Variants in TNRC18 observed in about 807,000 individuals in gnomAD.
TNRC18 encodes the protein trinucleotide repeat-containing gene 18 protein.
In TNRC18, 69 loss-of-function variants were observed where a neutral mutation model predicts 226.7. The ratio of observed to expected loss-of-function variants is 0.30; its 90% confidence interval spans 0.25 to 0.37. TNRC18 has a LOEUF of 0.37. Ranked by LOEUF, TNRC18 falls within the 10% of genes least tolerant of loss-of-function variation. The pLI is 1.00. For synonymous variants in TNRC18, 2,449 were observed against 1,927.6 expected, an observed-to-expected ratio of 1.27 and a Z score of -7.09; for missense variants, 4,754 against 4,256.6, an observed-to-expected ratio of 1.12 and a Z score of -3.25.
intron 18 of TNRC18, 45 bp downstream of exon 18, chr7:5,345,517 G>GCGCCC: frequency 1.3e-5 from 5 of 377,744 alleles, no homozygotes; most frequent in South Asian, 8.8e-5. Flanking sequence ...AATGGCGTCC[G>GCGCCC]CCCCTCCCAC....
rs768910011 is a variant in TNRC18 at position 5,308,184 on chromosome 7, G to A, written c.8829C>T (p.Gly2943=). The A allele has an allele frequency of 9.4e-6, 15 of 1,601,290 alleles. No homozygotes were observed. Among genetic ancestry groups the A allele is most frequent in the Non-Finnish European group, 1.3e-5 (15 of 1,174,898 alleles). ...CGTAGGTGCCCGCGAGGTAGTACAG[G>A]CCCTCGCTGTCCTGGTACTTCTTGG... ...LKTKKYQDSE[G]LYYLAGTYEP... The change falls in exon 30 of 30, where the codon GGC becomes GGT. Residue 2943 remains glycine (G), a synonymous_variant. Transcript: ENST00000430969.
intron 2 of TNRC18, among the ~76,000 whole-genome samples, chr7:5,408,186 C>A (rs1343103529): frequency 6.6e-6 from 1 of 151,844 alleles, no homozygotes; most frequent in African/African-American, 2.4e-5. Flanking sequence ...CTAGTCCCCA[C>A]TACTCAGGAG....
intron 24 of TNRC18, 73 bp from the exon 25 acceptor site, chr7:5,316,145 G>A: frequency 1.8e-6 from 2 of 1,121,084 alleles, no homozygotes; most frequent in Non-Finnish European, 2.6e-6. Flanking sequence ...GGGTCAGGAT[G>A]GCAGAAACCG....
rs1562464654 is a variant in TNRC18 at position 5,306,892 on chromosome 7, ATAATTCCCC to A, written c.*1205_*1213del. ...AAAAGAAACATAAAAAAAAAAACCA[ATAATTCCCC>A]CAAAAAACAAACCCAAAGTCTGGCT... On this transcript the variant is annotated 3_prime_UTR_variant, in exon 30 of 30. Transcript: ENST00000430969. 3 of 148,728 alleles carry A rather than the reference ATAATTCCCC, an allele frequency of 2.0e-5. No homozygotes were observed. Among genetic ancestry groups the A allele is most frequent in the African/African-American group, 7.8e-5 (3 of 38,618 alleles). 9.2% of individuals were successfully genotyped at this position (148,728 alleles called of 1,614,324 possible).
At chr7:5,317,945 C>G (rs972144664) in intron 24 of TNRC18, among the ~76,000 whole-genome samples, 4 of 151,806 alleles carry the variant, frequency 2.6e-5, no homozygotes, top group Admixed American at 6.6e-5. Flanking sequence ...TCTCGGCTCA[C>G]TGCAACCTCT....
intron 2 of TNRC18, among the ~76,000 whole-genome samples, chr7:5,418,317 A>G (rs927148841): frequency 6.6e-6 from 1 of 152,050 alleles, no homozygotes; most frequent in Non-Finnish European, 1.5e-5. Flanking sequence ...CTGATCCCAA[A>G]CCCCATTCAT....
At chr7:5,337,840 A>G (rs1419927187) in intron 18 of TNRC18, among the ~76,000 whole-genome samples, 15 of 152,030 alleles carry the variant, frequency 9.9e-5, no homozygotes, top group Non-Finnish European at 1.9e-4. Context: ...AAAATTAGCC[A>G]GGCGAGGTGG....
chr7:5,391,341 T>G lies in TNRC18; in HGVS notation c.344-713A>C, dbSNP rs573751658. On this transcript the variant is annotated intron_variant, in intron 3 of 29. Coordinates refer to ENST00000430969, the MANE Select transcript of TNRC18 (RefSeq NM_001080495.3). ...ATTTTTTTTTTTTTGAGACAGAGTCTTACTCTGTGGCCCAGGCTGGAGTGC... is the reference window on the plus strand; with the variant it reads ...ATTTTTTTTTTTTTGAGACAGAGTCGTACTCTGTGGCCCAGGCTGGAGTGC... Among the ~76,000 whole-genome samples the G allele has an allele frequency of 7.9e-5, 12 of 151,862 alleles. No homozygotes were observed. The South Asian group carries it at 1.0e-3, about 13-fold the overall frequency.
chr7:5,369,330 T>C (rs73055804), intron 11 of TNRC18, among the ~76,000 whole-genome samples: 6 of 152,012 alleles, frequency 3.9e-5, no homozygotes, highest in South Asian at 2.1e-4. Flanking sequence ...GCCTGGGTGA[T>C]AGAGGGAGAC....
At chr7:5,374,804 G>C (rs1794490951) in intron 9 of TNRC18, among the ~76,000 whole-genome samples, 1 of 152,252 alleles carries the variant, frequency 6.6e-6, no homozygotes. Flanking sequence ...CAGGACAAGG[G>C]GGGCCAGATG....
At chr7:5,374,611 G>GCC in intron 9 of TNRC18, 127 bp from the exon 10 acceptor site, 1 of 950,136 alleles carries the variant, frequency 1.1e-6, no homozygotes, top group Non-Finnish European at 1.5e-6. Flanking sequence ...TGGGGTCCAG[G>GCC]CTGCCCACCC....
chr7:5,388,579 G>GC lies in TNRC18; in HGVS notation c.1244dup (p.Ser416LeufsTer92). 7.7e-7 allele frequency: 1 copy of GC among 1,300,340 alleles called. No homozygotes were observed. Among genetic ancestry groups the GC allele is most frequent in the Non-Finnish European group, 9.8e-7 (1 of 1,025,562 alleles). The allele number at this position is 1,300,340 out of a possible 1,614,324, so 80.6% of individuals were successfully genotyped here. On this transcript the variant is annotated frameshift_variant, in exon 5 of 30. Coordinates refer to ENST00000430969, the MANE Select transcript of TNRC18 (RefSeq NM_001080495.3). LOFTEE classifies it high-confidence loss of function. ...CGGGCCGGTCCAGAGGCCGCGGGGA[G>GC]CCGGGGGGCGCCTGCAGGACCCCTG...
intron 10 of TNRC18, among the ~76,000 whole-genome samples, chr7:5,372,956 C>T (rs766727376): frequency 8.2e-4 from 125 of 152,070 alleles, no homozygotes; most frequent in Non-Finnish European, 1.5e-3. Context: ...GTTGGGCGTT[C>T]GAGACCAGCC....
intron 16 of TNRC18, among the ~76,000 whole-genome samples, chr7:5,352,485 C>T (rs990833332): frequency 6.6e-6 from 1 of 152,188 alleles, no homozygotes; most frequent in African/African-American, 2.4e-5. Context: ...GTGACAACCG[C>T]AGAGGACCTG....
intron 4 of TNRC18, chr7:5,389,861 G>A (rs1190456526): frequency 1.3e-5 from 2 of 153,954 alleles, no homozygotes; most frequent in African/African-American, 4.8e-5. Context: ...CAGCCCTAGA[G>A]AGCGCAGGCT....
chr7:5,379,833 G>C (rs1779275248), intron 5 of TNRC18, among the ~76,000 whole-genome samples: 1 of 152,334 alleles, frequency 6.6e-6, no homozygotes, highest in African/African-American at 2.4e-5. Context: ...TACTCCCCTT[G>C]GGGCCGGCCT....
At chr7:5,400,611 C>G (rs187675506) in intron 2 of TNRC18, among the ~76,000 whole-genome samples, 2 of 152,130 alleles carry the variant, frequency 1.3e-5, no homozygotes, top group Non-Finnish European at 2.9e-5. Context: ...GACTCTCTCT[C>G]AAATAAATAA....
At chr7:5,418,952 C>T (rs1469443156) in intron 2 of TNRC18, among the ~76,000 whole-genome samples, 1 of 152,228 alleles carries the variant, frequency 6.6e-6, no homozygotes, top group Non-Finnish European at 1.5e-5. Context: ...ACAGCCAGAA[C>T]CAGCACCGGC....
Position 5,307,807 on chromosome 7 carries a change from G to T in TNRC18, c.*299C>A. On this transcript the variant is annotated 3_prime_UTR_variant, in exon 30 of 30. Coordinates refer to ENST00000430969, the MANE Select transcript of TNRC18 (RefSeq NM_001080495.3). ...CAGCCTGGAGGGCCGGCCTGGCCAA[G>T]TGCTTGCAACGTGCTGGGCAGGAAG... 2.2e-6 allele frequency: 1 copy of T among 459,478 alleles called. No homozygotes were observed. The highest frequency in any genetic ancestry group is 2.1e-5 in the South Asian group (1 of 46,626). 28.5% of individuals were successfully genotyped at this position (459,478 alleles called of 1,614,324 possible).
Sources: allele counts gnomAD v4.1 joint callset (sites outside exome capture counted in the v4.1 genomes callset), GRCh38; gene constraint gnomAD v4.1.1; transcripts MANE v1.5; gene names NCBI Gene and HGNC (gene_info 2026-07-23, HGNC 2026-07-21).